Variants in APOE observed in about 807,000 individuals in gnomAD.
The protein encoded by APOE is apolipoprotein E.
APOE carries 10 observed loss-of-function variants against 13.1 expected under a neutral mutation model. The ratio of observed to expected loss-of-function variants is 0.76; its 90% CI spans 0.47 to 1.29. APOE has a LOEUF of 1.29. APOE is among the 50% of genes most tolerant of loss of function. The pLI is 0.00. For missense variants in APOE, 471 were observed against 459.6 expected, an observed-to-expected ratio of 1.02 and a Z score of -0.23; for synonymous variants, 211 against 207.1, an observed-to-expected ratio of 1.02 and a Z score of -0.16.
Position 44,909,237 on chromosome 19 carries a change from G to T in APOE, c.941G>T (p.Ser314Ile). 1.3e-6 allele frequency: 2 copies of T among 1,596,884 alleles called. No homozygotes were observed. The highest frequency in any genetic ancestry group is 2.2e-5 in the South Asian group (2 of 90,886). ...AVGTSAAPVP[S>I]DNH The stretch of plus-strand genomic sequence containing the variant: ...GGCACCAGCGCCGCCCCTGTGCCCA[G>T]CGACAATCACTGAACGCCGAAGCCT... The change falls in exon 4 of 4, where the codon AGC (serine) becomes ATC (isoleucine). Residue 314 changes from serine (S) to isoleucine (I), a missense_variant. Physicochemically the swap from Ser to Ile is moderately radical, Grantham distance 142. Transcript: ENST00000252486.
intron 2 of APOE, 53 bp downstream of exon 2, chr19:44,906,720 A>C: frequency 6.3e-7 from 1 of 1,576,140 alleles, no homozygotes; most frequent in African/African-American, 1.4e-5. Context: ...TCTCATCCTC[A>C]CCTCAACCTC....
In APOE at chr19:44,909,021, G is replaced by A. The variant is rs267606663; in HGVS notation, c.725G>A (p.Arg242Gln). 8.4e-6 allele frequency: 13 copies of A among 1,539,848 alleles called. No individual in the cohort carries two copies. In the East Asian group the frequency reaches 3.2e-4, roughly 38 times the overall value. ...GCGCGGATGGAGGAGATGGGCAGCC[G>A]GACCCGCGACCGCCTGGACGAGGTG... ...LRARMEEMGS[R>Q]TRDRLDEVKE... Residue 242 changes from arginine (R) to glutamine (Q), a missense_variant, in exon 4 of 4, where the codon CGG (arginine) becomes CAG (glutamine). Transcript: ENST00000252486.
In APOE at chr19:44,905,858, G is replaced by C. The variant is rs972038965; in HGVS notation, c.-24+17G>C. 30 of 1,295,102 alleles carry C rather than the reference G, an allele frequency of 2.3e-5. No individual in the cohort carries two copies. Among genetic ancestry groups the C allele is most frequent in the Non-Finnish European group, 2.9e-5 (29 of 985,968 alleles). The allele number at this position is 1,295,102 out of a possible 1,614,324, so 80.2% of individuals were successfully genotyped here. A position where few individuals can be genotyped will look rare whatever the true frequency, so the allele number is the denominator to read the frequency against. On this transcript the variant is annotated intron_variant, in intron 1 of 3. Coordinates refer to ENST00000252486, the MANE Select transcript of APOE (RefSeq NM_000041.4). ...CAGGAGCCGGTGAGAAGCGCAGTCGGGGGCACGGGGATGAGCTCAGGGGCC... is the reference window on the plus strand; with the variant it reads ...CAGGAGCCGGTGAGAAGCGCAGTCGCGGGCACGGGGATGAGCTCAGGGGCC...
intron 2 of APOE, 21 bp downstream of exon 2, chr19:44,906,688 C>G: frequency 6.2e-7 from 1 of 1,612,864 alleles, no homozygotes; most frequent in Non-Finnish European, 8.5e-7. Flanking sequence ...GGGGCTTGCT[C>G]GGTTCCCCCC....
chr19:44,909,181 C>A lies in APOE; in HGVS notation c.885C>A (p.Ala295=). 6.3e-7 allele frequency: 1 copy of A among 1,599,400 alleles called. No homozygotes were observed. The change falls in exon 4 of 4, where the codon GCC becomes GCA. Residue 295 remains alanine, a synonymous_variant. Transcript: ENST00000252486. ...TGGAAGACATGCAGCGCCAGTGGGC[C>A]GGGCTGGTGGAGAAGGTGCAGGCTG... ...PLVEDMQRQW[A]GLVEKVQAAV...
rs760927661 is a variant in APOE, at chr19:44,905,972, G to A, written c.-24+131G>A. On this transcript the variant is annotated intron_variant, in intron 1 of 3. Coordinates refer to ENST00000252486, the MANE Select transcript of APOE (RefSeq NM_000041.4). ...GGTCGGGCTTGGGGAGAGGAGGAGC[G>A]GGGGTGAGGCAAGCAGCAGGGGACT... The A allele has an allele frequency of 2.4e-6, 3 of 1,257,868 alleles. No individual in the cohort carries two copies. In the South Asian group the frequency reaches 3.9e-5, roughly 16 times the overall value. The allele number at this position is 1,257,868 out of a possible 1,614,324, so 77.9% of individuals were successfully genotyped here. A position where few individuals can be genotyped will look rare whatever the true frequency, so the allele number is the denominator to read the frequency against.
At position 44,907,475 on chromosome 19, in the gene APOE, T is replaced by A; in HGVS notation, c.44-285T>A. ...AGCCAGGCATGGTGCCACACACCTG[T>A]GCTCTCAGCTACTCAGGAGGCTGAG... On this transcript the variant is annotated intron_variant, in intron 2 of 3. Coordinates refer to ENST00000252486, the MANE Select transcript of APOE (RefSeq NM_000041.4). This position sits in a 1 kb window ranked among gnomAD's most constrained non-coding sequence, Gnocchi z 4.1. The A allele has an allele frequency of 2.1e-6, 1 of 481,112 alleles. No homozygotes were observed. The highest frequency in any genetic ancestry group is 3.8e-6 in the Non-Finnish European group (1 of 261,656). 29.8% of individuals were successfully genotyped at this position (481,112 alleles called of 1,614,324 possible).
chr19:44,906,243 A>C, intron 1 of APOE: 2 of 391,650 alleles, frequency 5.1e-6, no homozygotes, highest in Non-Finnish European at 9.7e-6. Context: ...CATAAATGGA[A>C]CACGGCGCTT....
chr19:44,908,025 G>A (rs1443923957), intron 3 of APOE, 73 bp downstream of exon 3: 3 of 1,453,654 alleles, frequency 2.1e-6, no homozygotes, highest in Non-Finnish European at 2.8e-6. Flanking sequence ...GTTTCATTCT[G>A]CCCCTGTCGC....
rs1278672622 is a variant in APOE, at chr19:44,905,841, G to A, written c.-24G>A. The A allele has an allele frequency of 7.7e-7, 1 of 1,294,868 alleles. No homozygotes were observed. Among genetic ancestry groups the A allele is most frequent in the South Asian group, 1.2e-5 (1 of 80,330 alleles). The allele number at this position is 1,294,868 out of a possible 1,614,324, so 80.2% of individuals were successfully genotyped here. ...TGAAGGACGTCCTTCCCCAGGAGCC[G>A]GTGAGAAGCGCAGTCGGGGGCACGG... On this transcript the variant is annotated splice_region_variant and 5_prime_UTR_variant, in exon 1 of 4. Transcript: ENST00000252486.
In APOE at chr19:44,907,803, G is replaced by C; in HGVS notation, c.87G>C (p.Glu29Asp). The C allele has an allele frequency of 6.2e-7, 1 of 1,613,718 alleles. No individual in the cohort carries two copies. Among genetic ancestry groups the C allele is most frequent in the Admixed American group, 1.7e-5 (1 of 60,002 alleles). ...AGCAAGCGGTGGAGACAGAGCCGGA[G>C]CCCGAGCTGCGCCAGCAGACCGAGT... ...KVEQAVETEP[E>D]PELRQQTEWQ... Residue 29 changes from glutamate (E) to aspartate (D), a missense_variant, in exon 3 of 4, where the codon GAG (glutamate) becomes GAC (aspartate). By Grantham distance (45) the Glu-to-Asp change is conservative (BLOSUM62 2). Coordinates refer to ENST00000252486, the MANE Select transcript of APOE (RefSeq NM_000041.4). This position sits in a 1 kb window ranked among gnomAD's most constrained non-coding sequence, Gnocchi z 4.1.
chr19:44,908,477 C>G (rs1969852017), intron 3 of APOE, 56 bp from the exon 4 acceptor site: 4 of 1,587,546 alleles, frequency 2.5e-6, no homozygotes, highest in Non-Finnish European at 3.5e-6. Context: ...CCGCCCCATC[C>G]CAGCCCTTCT....
rs747184737 is a variant in APOE at position 44,909,106 on chromosome 19, G to T, written c.810G>T (p.Leu270=). ...KLEEQAQQIR[L]QAEAFQARLK... ...AGGAGCAGGCCCAGCAGATACGCCTGCAGGCCGAGGCCTTCCAGGCCCGCC... is the reference window on the plus strand; with the variant it reads ...AGGAGCAGGCCCAGCAGATACGCCTTCAGGCCGAGGCCTTCCAGGCCCGCC... The change falls in exon 4 of 4, where the codon CTG becomes CTT. Residue 270 remains leucine (L), a synonymous_variant. Transcript: ENST00000252486. 4 of 1,589,266 alleles carry T rather than the reference G, an allele frequency of 2.5e-6. No individual in the cohort carries two copies. Among genetic ancestry groups the T allele is most frequent in the Non-Finnish European group, 2.6e-6 (3 of 1,173,108 alleles).
At chr19:44,906,536 T>C (rs1969810432) in intron 1 of APOE, 66 bp from the exon 2 acceptor site, 1 of 1,579,346 alleles carries the variant, frequency 6.3e-7, no homozygotes, top group Non-Finnish European at 8.7e-7. Context: ...TGAGGCCGGG[T>C]TGGGGCCGGG....
In APOE at chr19:44,908,994, G is replaced by T; in HGVS notation, c.698G>T (p.Arg233Leu). The change falls in exon 4 of 4, where the codon CGC (arginine) becomes CTC (leucine). Residue 233 changes from arginine to leucine, a missense_variant. Transcript: ENST00000252486. ...GCCCAGGCCTGGGGCGAGCGGCTGC[G>T]CGCGCGGATGGAGGAGATGGGCAGC... is the stretch of plus-strand genomic sequence containing the variant. ...ERAQAWGERLRARMEEMGSRT... is the reference protein window; with the variant it reads ...ERAQAWGERLLARMEEMGSRT... 1 of 1,533,700 alleles carries T rather than the reference G, an allele frequency of 6.5e-7. No individual in the cohort carries two copies.
rs770545391 is a variant in APOE, at chr19:44,907,945, G to A, written c.229G>A (p.Glu77Lys). The A allele has an allele frequency of 2.5e-6, 4 of 1,613,242 alleles. No homozygotes were observed. Among genetic ancestry groups the A allele is most frequent in the Non-Finnish European group, 3.4e-6 (4 of 1,179,792 alleles). ...EELLSSQVTQ[E>K]LRALMDETMK... Reference sequence around the variant, plus strand: ...GCTGCTCAGCTCCCAGGTCACCCAGGAACTGAGGTGAGTGTCCCCATCCTG... The same window carrying A: ...GCTGCTCAGCTCCCAGGTCACCCAGAAACTGAGGTGAGTGTCCCCATCCTG... The change falls in exon 3 of 4, where the codon GAA becomes AAA. Residue 77 changes from glutamate (E) to lysine (K), a missense_variant. Glu to Lys is a moderately conservative substitution (Grantham distance 56). Transcript: ENST00000252486. The surrounding 1 kb of genome is among the most constrained non-coding windows in gnomAD (Gnocchi z 4.1).
chr19:44,906,543 C>G, intron 1 of APOE, 59 bp from the exon 2 acceptor site: 2 of 1,591,406 alleles, frequency 1.3e-6, no homozygotes, highest in Admixed American at 1.7e-5. Flanking sequence ...GGGTTGGGGC[C>G]GGGCTGGGGG....
chr19:44,908,341 G>C (rs934824163), intron 3 of APOE, among the ~76,000 whole-genome samples, 192 bp from the exon 4 acceptor site: 7 of 152,096 alleles, frequency 4.6e-5, no homozygotes, highest in Admixed American at 2.0e-4. Flanking sequence ...CGGCCTCCTA[G>C]CTCCTTCTTC....
rs1969839083 is a variant in APOE at position 44,907,896 on chromosome 19, ACTGT to A, written c.184_187del (p.Glu63ArgfsTer15). Reference sequence around the variant, plus strand: ...GGGATTACCTGCGCTGGGTGCAGACACTGTCTGAGCAGGTGCAGGAGGAGCTGCT... The same window carrying A: ...GGGATTACCTGCGCTGGGTGCAGACACTGAGCAGGTGCAGGAGGAGCTGCT... On this transcript the variant is annotated frameshift_variant, in exon 3 of 4. Transcript: ENST00000252486. LOFTEE classifies it high-confidence loss of function. The surrounding 1 kb of genome is among the most constrained non-coding windows in gnomAD (Gnocchi z 4.1). 1 of 1,613,922 alleles carries A rather than the reference ACTGT, an allele frequency of 6.2e-7. No individual in the cohort carries two copies. Among genetic ancestry groups the A allele is most frequent in the Non-Finnish European group, 8.5e-7 (1 of 1,179,920 alleles).
Sources: gnomAD v4.1 joint callset for allele counts (sites outside exome capture counted in the v4.1 genomes callset) on GRCh38, gnomAD v4.1.1 for gene constraint, Gnocchi (gnomAD v3.1) non-coding constraint, MANE v1.5 for transcripts, NCBI Gene and HGNC (gene_info 2026-07-23, HGNC 2026-07-21) for gene names.